The following HS3ST4 variants were observed in gnomAD, a reference collection of about 807,000 sequenced individuals.
HS3ST4 encodes heparan sulfate-glucosamine 3-sulfotransferase 4.
A neutral mutation model predicts 29.2 loss-of-function variants in HS3ST4; 17 were observed. The ratio of observed to expected loss-of-function variants is 0.58; its 90% CI spans 0.40 to 0.87. The LOEUF (loss-of-function observed/expected upper bound fraction) is 0.87. HS3ST4 is among the 40% of genes least tolerant of loss of function. The pLI is 0.00. For missense variants in HS3ST4, 627 were observed against 634.5 expected, an observed-to-expected ratio of 0.99 and a Z score of 0.13; for synonymous variants, 314 against 285.7, an observed-to-expected ratio of 1.10 and a Z score of -1.00.
chr16:25,847,542 G>A (rs1025960283), intron 1 of HS3ST4, among the ~76,000 whole-genome samples: 5 of 152,110 alleles, frequency 3.3e-5, no homozygotes, highest in Admixed American at 2.6e-4. Flanking sequence ...AATGTTAACC[G>A]TGATAATCAA....
At chr16:25,713,894 T>G (rs998378390) in intron 1 of HS3ST4, among the ~76,000 whole-genome samples, 1 of 152,196 alleles carries the variant, frequency 6.6e-6, no homozygotes, top group Non-Finnish European at 1.5e-5. Flanking sequence ...GCCTGTTGCT[T>G]GGATGGCCTT....
chr16:25,714,311 T>C (rs1224672934), intron 1 of HS3ST4, among the ~76,000 whole-genome samples: 2 of 152,244 alleles, frequency 1.3e-5, no homozygotes, highest in Non-Finnish European at 2.9e-5. Flanking sequence ...TAGAGCCGGC[T>C]GTGTCTCCTC....
At chr16:25,704,879 CA>C (rs775823722) in intron 1 of HS3ST4, among the ~76,000 whole-genome samples, 3,020 of 122,446 alleles carry the variant, frequency 0.025, 72 homozygotes, top group African/African-American at 0.07. Flanking sequence ...AACTCCATCT[CA>C]AAAAAAAAAA....
intron 1 of HS3ST4, among the ~76,000 whole-genome samples, chr16:26,073,845 C>T (rs1285155002): frequency 6.6e-6 from 1 of 152,126 alleles, no homozygotes. Flanking sequence ...GGGTGGATGC[C>T]TTATTGCTTC....
intron 1 of HS3ST4, among the ~76,000 whole-genome samples, chr16:25,972,154 G>C (rs1221852782): frequency 6.6e-6 from 1 of 152,184 alleles, no homozygotes; most frequent in Non-Finnish European, 1.5e-5. Context: ...TGTAACAGGT[G>C]GTTGTAGTAG....
intron 1 of HS3ST4, among the ~76,000 whole-genome samples, chr16:25,956,764 T>C (rs544128393): frequency 1.3e-3 from 191 of 152,174 alleles, no homozygotes; most frequent in Middle Eastern, 3.4e-3. Context: ...TTTGGGAGGC[T>C]GAGGCGGGCA....
intron 1 of HS3ST4, among the ~76,000 whole-genome samples, chr16:26,111,751 G>T (rs1899131877): frequency 6.6e-6 from 1 of 152,098 alleles, no homozygotes; most frequent in Non-Finnish European, 1.5e-5. Context: ...AGGTGCAGTG[G>T]ATCACTCCTG....
At chr16:26,088,785 T>C (rs568553952) in intron 1 of HS3ST4, among the ~76,000 whole-genome samples, 13 of 152,332 alleles carry the variant, frequency 8.5e-5, no homozygotes, top group African/African-American at 3.1e-4. Flanking sequence ...CTGCATCTCC[T>C]CCAGTTAGCG....
At chr16:25,833,599 C>T (rs906411558) in intron 1 of HS3ST4, among the ~76,000 whole-genome samples, 14 of 152,066 alleles carry the variant, frequency 9.2e-5, no homozygotes, top group African/African-American at 2.7e-4. Flanking sequence ...TGAATTGGAG[C>T]CAGTAATGCT....
chr16:25,937,764 C>A (rs951993064), intron 1 of HS3ST4, among the ~76,000 whole-genome samples: 1 of 152,150 alleles, frequency 6.6e-6, no homozygotes, highest in African/African-American at 2.4e-5. Context: ...TCAGAATGTA[C>A]AGAGTATTTT....
chr16:26,006,377 G>T (rs1231165843), intron 1 of HS3ST4, among the ~76,000 whole-genome samples: 1 of 146,558 alleles, frequency 6.8e-6, no homozygotes, highest in East Asian at 2.0e-4. Flanking sequence ...TTTTCAGTTT[G>T]TTTGTTTGTT....
intron 1 of HS3ST4, among the ~76,000 whole-genome samples, chr16:26,003,350 G>A (rs1374864500): frequency 6.6e-6 from 1 of 152,052 alleles, no homozygotes; most frequent in African/African-American, 2.4e-5. Context: ...CTTAGAACAG[G>A]GTCTGACACA....
chr16:26,040,296 C>CTT (rs565233563), intron 1 of HS3ST4, among the ~76,000 whole-genome samples: 18 of 135,708 alleles, frequency 1.3e-4, no homozygotes, highest in South Asian at 2.4e-4. Context: ...ATCTTTCTTT[C>CTT]TTTTTTTTTT....
chr16:26,126,347 T>C (rs1215491590), intron 1 of HS3ST4, among the ~76,000 whole-genome samples: 2 of 152,230 alleles, frequency 1.3e-5, no homozygotes, highest in Non-Finnish European at 2.9e-5. Context: ...GCAGGTTGTC[T>C]CAGTGGTATA....
intron 1 of HS3ST4, among the ~76,000 whole-genome samples, chr16:25,807,736 A>G (rs1967002774): frequency 6.6e-6 from 1 of 152,182 alleles, no homozygotes; most frequent in African/African-American, 2.4e-5. Context: ...ACATTTCCAG[A>G]ATGGTGGTAC....
chr16:25,890,815 G>A (rs1968000108), intron 1 of HS3ST4, among the ~76,000 whole-genome samples: 1 of 152,182 alleles, frequency 6.6e-6, no homozygotes, highest in Non-Finnish European at 1.5e-5. Flanking sequence ...TGTACAGTAA[G>A]GATTCAAGAG....
At chr16:25,729,283 T>A (rs1252715126) in intron 1 of HS3ST4, among the ~76,000 whole-genome samples, 1 of 152,140 alleles carries the variant, frequency 6.6e-6, no homozygotes, top group East Asian at 1.9e-4. Flanking sequence ...ACCCTAGACA[T>A]CTAATGGTGT....
intron 1 of HS3ST4, among the ~76,000 whole-genome samples, chr16:26,023,292 G>GT (rs1039305515): frequency 6.6e-6 from 1 of 151,104 alleles, no homozygotes; most frequent in Non-Finnish European, 1.5e-5. Flanking sequence ...ATAAATATAT[G>GT]TTTTATATAT....
intron 1 of HS3ST4, among the ~76,000 whole-genome samples, chr16:26,037,414 A>C (rs1362233963): frequency 6.6e-6 from 1 of 152,204 alleles, no homozygotes. Context: ...TGGTCCACTG[A>C]TCTTCAGTGT....
Sources: allele counts gnomAD v4.1 joint callset (sites outside exome capture counted in the v4.1 genomes callset), GRCh38; gene constraint gnomAD v4.1.1; transcripts MANE v1.5; gene names NCBI Gene and HGNC (gene_info 2026-07-23, HGNC 2026-07-21).